Variants in LAIR1 observed in about 807,000 individuals in gnomAD.
LAIR1 encodes leukocyte-associated immunoglobulin-like receptor 1.
A neutral mutation model predicts 32.8 loss-of-function variants in LAIR1; 24 were observed. The observed-to-expected ratio is 0.73, with a 90% CI of 0.53 to 1.03. LAIR1 has a LOEUF of 1.03. LAIR1 is among the 50% of genes least tolerant of loss of function. The pLI, the probability that LAIR1 is intolerant of heterozygous loss-of-function variation, is 0.00. For missense variants in LAIR1, 355 were observed against 347.5 expected (o/e 1.02, Z -0.17); for synonymous variants, 150 against 140.5 (o/e 1.07, Z -0.48).
intron 5 of LAIR1, 67 bp from the exon 6 acceptor site, chr19:54,356,686 A>T: frequency 2.0e-6 from 3 of 1,482,008 alleles, no homozygotes; most frequent in Non-Finnish European, 1.9e-6. Flanking sequence ...TACCACACAC[A>T]CGTCACGTGC....
intron 2 of LAIR1, 112 bp from the exon 3 acceptor site, chr19:54,361,321 A>C (rs1415837791): frequency 8.6e-7 from 1 of 1,168,972 alleles, no homozygotes; most frequent in East Asian, 2.3e-5. Flanking sequence ...AGAGTTATGC[A>C]GCCATGACCA....
chr19:54,356,948 G>A lies in LAIR1; in HGVS notation c.434C>T (p.Ser145Leu), dbSNP rs549486515. The change falls in exon 5 of 10, where the codon TCG becomes TTG. Residue 145 changes from serine to leucine, a missense_variant. Transcript: ENST00000391742. Reference sequence around the variant, plus strand: ...CTCACGCTCATTGTGACTGTTGTCCGACGGCCTCTGCGTGGGTCCTGGGAG... The same window carrying A: ...CTCACGCTCATTGTGACTGTTGTCCAACGGCCTCTGCGTGGGTCCTGGGAG... ...GSSAGPTQRP[S>L]DNSHNEHAPA... 21 of 1,613,766 alleles carry A rather than the reference G, an allele frequency of 1.3e-5. No homozygotes were observed. In the East Asian group the frequency reaches 3.1e-4, roughly 24 times the overall value.
upstream of LAIR1, among the ~76,000 whole-genome samples, chr19:54,371,835 G>T (rs2082412679): frequency 6.6e-6 from 1 of 151,462 alleles, no homozygotes; most frequent in Non-Finnish European, 1.5e-5. Context: ...GGCAACCAAT[G>T]AACTTTACAC....
At position 54,354,504 on chromosome 19, in the gene LAIR1, A is replaced by G. The variant is rs899183900; in HGVS notation, c.*764T>C. On this transcript the variant is annotated 3_prime_UTR_variant, in exon 10 of 10. Coordinates refer to ENST00000391742, the MANE Select transcript of LAIR1 (RefSeq NM_002287.6). ...GCACAATGTACGTGTACGACAAATTATCACATTTTACACCTTGAATACGTA... is the reference window on the plus strand; with the variant it reads ...GCACAATGTACGTGTACGACAAATTGTCACATTTTACACCTTGAATACGTA... The G allele has an allele frequency of 1.3e-5, 2 of 152,262 alleles. No individual in the cohort carries two copies. Among genetic ancestry groups the G allele is most frequent in the Non-Finnish European group, 2.9e-5 (2 of 68,054 alleles). The allele number at this position is 152,262 out of a possible 1,614,324, so 9.4% of individuals were successfully genotyped here. A position where few individuals can be genotyped will look rare whatever the true frequency, so the allele number is the denominator to read the frequency against.
chr19:54,365,638 A>G (rs375676658), upstream of LAIR1, among the ~76,000 whole-genome samples: 89 of 152,268 alleles, frequency 5.8e-4, 1 homozygote, highest in South Asian at 0.018. Context: ...TAAAAATACA[A>G]AAAATTAGCT....
chr19:54,373,175 G>T (rs1007928654), upstream of LAIR1, among the ~76,000 whole-genome samples: 2 of 150,718 alleles, frequency 1.3e-5, no homozygotes, highest in Non-Finnish European at 2.9e-5. Context: ...TGGTGTGGTG[G>T]CTCACGCCTG....
At chr19:54,363,677 T>C (rs2072066782) in intron 2 of LAIR1, among the ~76,000 whole-genome samples, 1 of 152,222 alleles carries the variant, frequency 6.6e-6, no homozygotes, top group South Asian at 2.1e-4. Context: ...GACGTTAGGC[T>C]AAGTGAAATA....
rs1205160434 is a variant in LAIR1 at position 54,356,430 on chromosome 19, C to A, written c.584-32G>T. The A allele has an allele frequency of 6.8e-6, 11 of 1,608,042 alleles. No homozygotes were observed. In the East Asian group the frequency reaches 2.5e-4, roughly 36 times the overall value. Reference sequence around the variant, plus strand: ...ACAGTCGGGGTGTGAATTAAGGAGACCTTCTTCCTAGCCTCTCCTGACAGC... The same window carrying A: ...ACAGTCGGGGTGTGAATTAAGGAGAACTTCTTCCTAGCCTCTCCTGACAGC... On this transcript the variant is annotated intron_variant, in intron 6 of 9. Coordinates refer to ENST00000391742, the MANE Select transcript of LAIR1 (RefSeq NM_002287.6).
chr19:54,361,740 C>T (rs956047642), intron 2 of LAIR1, among the ~76,000 whole-genome samples: 2 of 150,492 alleles, frequency 1.3e-5, no homozygotes, highest in African/African-American at 4.9e-5. Flanking sequence ...CAGCCCTGAT[C>T]TGCTCACAGC....
Position 54,356,339 on chromosome 19 carries a change from A to G in LAIR1, c.626+17T>C. 5 of 1,597,818 alleles carry G rather than the reference A, an allele frequency of 3.1e-6. No homozygotes were observed. The highest frequency in any genetic ancestry group is 4.3e-6 in the Non-Finnish European group (5 of 1,172,488). ...AGGACTGGGTGGAGGTCCAGGAGTC[A>G]TTCCCAGGGGCCTCACCTCTGCTGT... On this transcript the variant is annotated intron_variant, in intron 7 of 9. Transcript: ENST00000391742.
upstream of LAIR1, chr19:54,365,000 G>T (rs1031703651): frequency 6.9e-7 from 1 of 1,447,126 alleles, no homozygotes; most frequent in Non-Finnish European, 9.1e-7. The surrounding 1 kb of genome is among the most constrained non-coding windows in gnomAD (Gnocchi z 4.8). Flanking sequence ...ACGAGAGGGA[G>T]GGCCTTGGTT....
In LAIR1 at chr19:54,362,978, A is replaced by G. The variant is rs555166234; in HGVS notation, c.70+1317T>C. On this transcript the variant is annotated intron_variant, in intron 2 of 9. Coordinates refer to ENST00000391742, the MANE Select transcript of LAIR1 (RefSeq NM_002287.6). Reference sequence around the variant, plus strand: ...ATGTCCAGACCAAAGAGAGGTGCACAGGTCTGATTCTATCTGAAGATAAAC... The same window carrying G: ...ATGTCCAGACCAAAGAGAGGTGCACGGGTCTGATTCTATCTGAAGATAAAC... 8.6e-5 allele frequency among the ~76,000 whole-genome samples: 13 copies of G among 151,926 alleles called. No individual in the cohort carries two copies. The South Asian group carries it at 2.5e-3, about 29-fold the overall frequency.
At position 54,355,149 on chromosome 19, in the gene LAIR1, C is replaced by T; in HGVS notation, c.*119G>A. Reference sequence around the variant, plus strand: ...TCTCCAGCTCTTGTCTCCAGGACAGCTGCCTGGCTGGCTTTCTAGATGAAG... The same window carrying T: ...TCTCCAGCTCTTGTCTCCAGGACAGTTGCCTGGCTGGCTTTCTAGATGAAG... On this transcript the variant is annotated 3_prime_UTR_variant, in exon 10 of 10. Coordinates refer to ENST00000391742, the MANE Select transcript of LAIR1 (RefSeq NM_002287.6). The surrounding 1 kb of genome is among the most constrained non-coding windows in gnomAD (Gnocchi z 4.7). 1 of 1,011,034 alleles carries T rather than the reference C, an allele frequency of 9.9e-7. No homozygotes were observed. Among genetic ancestry groups the T allele is most frequent in the Non-Finnish European group, 1.5e-6 (1 of 685,212 alleles). 62.6% of individuals were successfully genotyped at this position (1,011,034 alleles called of 1,614,324 possible).
chr19:54,363,799 G>A (rs1168194855), intron 2 of LAIR1, among the ~76,000 whole-genome samples: 1 of 152,136 alleles, frequency 6.6e-6, no homozygotes, highest in African/African-American at 2.4e-5. Context: ...CTGCAGGTGC[G>A]GGGCATGGGA....
chr19:54,356,866 C>A, intron 5 of LAIR1, 62 bp downstream of exon 5: 2 of 1,595,452 alleles, frequency 1.3e-6, no homozygotes, highest in South Asian at 2.2e-5. Context: ...CAAAGCCTGA[C>A]CTCTTTCTCC....
At chr19:54,361,845 A>G (rs1289639367) in intron 2 of LAIR1, among the ~76,000 whole-genome samples, 3 of 152,162 alleles carry the variant, frequency 2.0e-5, no homozygotes, top group Admixed American at 6.5e-5. Context: ...CTTTCTTCTC[A>G]GCCTAATTTG....
chr19:54,372,010 T>C (rs1280403073), upstream of LAIR1, among the ~76,000 whole-genome samples: 11 of 151,616 alleles, frequency 7.3e-5, no homozygotes. Flanking sequence ...TAATATTCCA[T>C]TGTCTGGACA....
Position 54,352,633 on chromosome 19 carries a change from C to T in LAIR1, c.*2635G>A, listed in dbSNP as rs1458146753. 6.5e-6 allele frequency: 1 copy of T among 153,774 alleles called. No individual in the cohort carries two copies. Among genetic ancestry groups the T allele is most frequent in the African/African-American group, 2.4e-5 (1 of 41,448 alleles). The allele number at this position is 153,774 out of a possible 1,614,324, so 9.5% of individuals were successfully genotyped here. On this transcript the variant is annotated 3_prime_UTR_variant, in exon 10 of 10. Coordinates refer to ENST00000391742, the MANE Select transcript of LAIR1 (RefSeq NM_002287.6). Reference sequence around the variant, plus strand: ...CACTGTGACCTCACCACCTGAACTTCCTGGACTTCCTTACACTGGAGCAGA... The same window carrying T: ...CACTGTGACCTCACCACCTGAACTTTCTGGACTTCCTTACACTGGAGCAGA...
At chr19:54,366,222 G>T (rs1364631369), upstream of LAIR1, among the ~76,000 whole-genome samples, 2 of 152,178 alleles carry the variant, frequency 1.3e-5, no homozygotes, top group Non-Finnish European at 2.9e-5. Context: ...TTTGTTAACG[G>T]AATAGACCTC....
Sources: gnomAD v4.1 joint callset for allele counts (sites outside exome capture counted in the v4.1 genomes callset) on GRCh38, gnomAD v4.1.1 for gene constraint, Gnocchi (gnomAD v3.1) non-coding constraint, MANE v1.5 for transcripts, NCBI Gene and HGNC (gene_info 2026-07-23, HGNC 2026-07-21) for gene names.